Variants in GSKIP observed in about 807,000 individuals in gnomAD.
GSKIP encodes GSK3B interacting protein.
In GSKIP, 5 loss-of-function variants were observed where a neutral mutation model predicts 11.9. The ratio of observed to expected loss-of-function variants is 0.42; its 90% CI spans 0.22 to 0.89. The LOEUF (loss-of-function observed/expected upper bound fraction) is 0.89, where lower values mean the gene tolerates loss of function less well. Ranked by LOEUF, GSKIP falls within the 40% of genes least tolerant of loss-of-function variation. The probability of loss-of-function intolerance (pLI) is 0.29; values close to 1 mark genes in which losing one functional copy is unlikely to be tolerated. For synonymous variants in GSKIP, 70 were observed against 62.9 expected, an observed-to-expected ratio of 1.11 and a Z score of -0.54; for missense variants, 150 against 166.6, an observed-to-expected ratio of 0.90 and a Z score of 0.55.
intron 1 of GSKIP, chr14:96,364,881 A>G (rs1416259034): frequency 1.3e-5 from 2 of 152,264 alleles, no homozygotes; most frequent in African/African-American, 4.8e-5. Context: ...TTGAGGCTGC[A>G]TAATTGCATT....
At position 96,386,426 on chromosome 14, in the gene GSKIP, CA is replaced by C. The variant is rs1011617166; in HGVS notation, c.*748del. ...GAACAGACTTCATTCTTTTTCTTAA[CA>C]AAAAAGCATCTTCAGTGTGTGATTT... On this transcript the variant is annotated 3_prime_UTR_variant, in exon 4 of 4. Coordinates refer to ENST00000555181, the MANE Select transcript of GSKIP (RefSeq NM_016472.5). 6 of 152,540 alleles carry C rather than the reference CA, an allele frequency of 3.9e-5. No individual in the cohort carries two copies. Among genetic ancestry groups the C allele is most frequent in the African/African-American group, 1.2e-4 (5 of 41,542 alleles). The allele number at this position is 152,540 out of a possible 1,614,324, so 9.4% of individuals were successfully genotyped here.
intron 1 of GSKIP, among the ~76,000 whole-genome samples, chr14:96,370,759 C>G (rs575483423): frequency 2.0e-5 from 3 of 152,156 alleles, no homozygotes; most frequent in Admixed American, 1.3e-4. Flanking sequence ...TTGCAAATGC[C>G]GGCACTGTGC....
At chr14:96,375,100 G>A (rs1889161565) in intron 1 of GSKIP, among the ~76,000 whole-genome samples, 1 of 152,058 alleles carries the variant, frequency 6.6e-6, no homozygotes, top group African/African-American at 2.4e-5. Context: ...GTATTAATTG[G>A]AGGTACATTG....
chr14:96,371,330 A>G (rs1318130223), intron 1 of GSKIP, among the ~76,000 whole-genome samples: 7 of 152,166 alleles, frequency 4.6e-5, no homozygotes, highest in Non-Finnish European at 1.0e-4. Flanking sequence ...CCTACACCCT[A>G]TACTTTCCAA....
At chr14:96,366,907 G>A (rs536430451) in intron 1 of GSKIP, among the ~76,000 whole-genome samples, 1 of 152,276 alleles carries the variant, frequency 6.6e-6, no homozygotes, top group Admixed American at 6.5e-5. Flanking sequence ...TGAAAGAAAA[G>A]CCAAGGAGAT....
intron 1 of GSKIP, among the ~76,000 whole-genome samples, chr14:96,367,253 G>A (rs1005864851): frequency 2.6e-5 from 4 of 152,232 alleles, no homozygotes; most frequent in African/African-American, 9.6e-5. Context: ...GAGGAGGAAT[G>A]TGTGACTGAG....
chr14:96,366,139 A>G (rs1194086504), intron 1 of GSKIP, among the ~76,000 whole-genome samples: 2 of 152,104 alleles, frequency 1.3e-5, no homozygotes, highest in African/African-American at 2.4e-5. Context: ...AATATTTGCC[A>G]TAAAAGGAAT....
intron 1 of GSKIP, among the ~76,000 whole-genome samples, chr14:96,370,353 A>G (rs1244893763): frequency 2.0e-5 from 3 of 152,192 alleles, no homozygotes; most frequent in Admixed American, 6.5e-5. Context: ...TGAGAAGGAC[A>G]CTAGATTTGA....
chr14:96,382,367 T>C lies in GSKIP; in HGVS notation c.120T>C (p.Val40=). Residue 40 remains valine (V), a synonymous_variant, in exon 3 of 4, where the codon GTT becomes GTC. Coordinates refer to ENST00000555181, the MANE Select transcript of GSKIP (RefSeq NM_016472.5). Reference sequence around the variant, plus strand: ...ACATGAGGCTCGAAGCTGAAGCAGTTGTAAATGATGTTCTCTTTGCTGTTA... The same window carrying C: ...ACATGAGGCTCGAAGCTGAAGCAGTCGTAAATGATGTTCTCTTTGCTGTTA... ...MKDMRLEAEA[V]VNDVLFAVNN... 2 of 1,614,038 alleles carry C rather than the reference T, an allele frequency of 1.2e-6. No individual in the cohort carries two copies. The highest frequency in any genetic ancestry group is 1.1e-5 in the South Asian group (1 of 91,080).
At chr14:96,371,775 A>G (rs552533408) in intron 1 of GSKIP, among the ~76,000 whole-genome samples, 2 of 152,122 alleles carry the variant, frequency 1.3e-5, no homozygotes, top group Non-Finnish European at 2.9e-5. Flanking sequence ...TTTTTAACAA[A>G]GAGCAATAGC....
chr14:96,384,493 C>T (rs905634156), intron 3 of GSKIP: 16 of 151,636 alleles, frequency 1.1e-4, no homozygotes, highest in African/African-American at 3.2e-4. Flanking sequence ...AGGGAATGTA[C>T]ACACTTAAGT....
chr14:96,371,588 G>A (rs1343114270), intron 1 of GSKIP, among the ~76,000 whole-genome samples: 1 of 151,936 alleles, frequency 6.6e-6, no homozygotes, highest in Non-Finnish European at 1.5e-5. Context: ...GGGATTATAG[G>A]CACGTGCCAC....
intron 1 of GSKIP, among the ~76,000 whole-genome samples, chr14:96,365,690 C>T (rs985574206): frequency 2.6e-5 from 4 of 151,826 alleles, no homozygotes; most frequent in Non-Finnish European, 5.9e-5. Context: ...AAAAATCAGT[C>T]AGGTGTGATG....
At position 96,381,017 on chromosome 14, in the gene GSKIP, C is replaced by T. The variant is rs748306073; in HGVS notation, c.-2+1229C>T. Among the ~76,000 whole-genome samples, 18 of 152,174 alleles carry T rather than the reference C, an allele frequency of 1.2e-4. No homozygotes were observed. In the South Asian group the frequency reaches 1.7e-3, roughly 14 times the overall value. The stretch of plus-strand genomic sequence containing the variant: ...TGAGTGAAGAGTTATGCTTCATTCA[C>T]GACAGCAGATGCTTAATCCATATCA... On this transcript the variant is annotated intron_variant, in intron 2 of 3. Transcript: ENST00000555181.
intron 1 of GSKIP, among the ~76,000 whole-genome samples, chr14:96,371,218 G>A (rs1889037553): frequency 6.6e-6 from 1 of 152,116 alleles, no homozygotes. Context: ...TGTTGGAAAT[G>A]CAGATAAATT....
rs569243977 is a variant in GSKIP, at chr14:96,381,169, A to G, written c.-1-1078A>G. ...TCACATTAACTTTTCTCATTCATAC[A>G]TTTCAAATTTTAACAATACATATAG... On this transcript the variant is annotated intron_variant, in intron 2 of 3. Transcript: ENST00000555181. Among the ~76,000 whole-genome samples, 28 of 152,382 alleles carry G rather than the reference A, an allele frequency of 1.8e-4. No individual in the cohort carries two copies. The South Asian group carries it at 3.9e-3, about 21-fold the overall frequency.
intron 3 of GSKIP, chr14:96,384,738 G>C (rs889975956): frequency 5.9e-5 from 9 of 152,096 alleles, no homozygotes; most frequent in Non-Finnish European, 1.3e-4. Flanking sequence ...GGAGCAGGGA[G>C]ATAGAATAGG....
rs945827436 is a variant in GSKIP, at chr14:96,385,716, T to A, written c.*32T>A. On this transcript the variant is annotated 3_prime_UTR_variant, in exon 4 of 4. Coordinates refer to ENST00000555181, the MANE Select transcript of GSKIP (RefSeq NM_016472.5). ...TTTTTCCTTTCAGAGGGGCTGGTGCTGGTACAGAATGTTGATATAAAGCTT... is the reference window on the plus strand; with the variant it reads ...TTTTTCCTTTCAGAGGGGCTGGTGCAGGTACAGAATGTTGATATAAAGCTT... 24 of 1,557,464 alleles carry A rather than the reference T, an allele frequency of 1.5e-5. No individual in the cohort carries two copies. The highest frequency in any genetic ancestry group is 1.8e-5 in the Non-Finnish European group (21 of 1,146,886).
At chr14:96,384,258 G>C (rs1889428355) in intron 3 of GSKIP, among the ~76,000 whole-genome samples, 1 of 152,094 alleles carries the variant, frequency 6.6e-6, no homozygotes, top group Non-Finnish European at 1.5e-5. Flanking sequence ...CTGTCCACCA[G>C]GAAGATCACA....
Sources: gnomAD v4.1 joint callset for allele counts (sites outside exome capture counted in the v4.1 genomes callset) on GRCh38, gnomAD v4.1.1 for gene constraint, MANE v1.5 for transcripts, NCBI Gene and HGNC (gene_info 2026-07-23, HGNC 2026-07-21) for gene names.